BCDIN3D: variants seen among roughly 807,000 people sequenced by gnomAD.
BCDIN3D encodes RNA 5'-monophosphate methyltransferase.
BCDIN3D carries 15 observed loss-of-function variants against 21.2 expected under a neutral mutation model. The ratio of observed to expected loss-of-function variants is 0.71; its 90% confidence interval spans 0.47 to 1.09. The LOEUF (loss-of-function observed/expected upper bound fraction) is 1.09. BCDIN3D is among the 50% of genes least tolerant of loss of function. BCDIN3D has a pLI of 0.00. For missense variants in BCDIN3D, 331 were observed against 366.2 expected, an observed-to-expected ratio of 0.90 and a Z score of 0.79; for synonymous variants, 127 against 141.9, an observed-to-expected ratio of 0.90 and a Z score of 0.75.
chr12:49,839,340 AACTC>A, intron 1 of BCDIN3D: 1 of 270,200 alleles, frequency 3.7e-6, no homozygotes. Flanking sequence ...TATGCTGATA[AACTC>A]ACTCTTTTTC....
Position 49,838,690 on chromosome 12 carries a change from G to A in BCDIN3D, c.560C>T (p.Ser187Phe). The A allele has an allele frequency of 1.2e-6, 2 of 1,613,816 alleles. No individual in the cohort carries two copies. Among genetic ancestry groups the A allele is most frequent in the Non-Finnish European group, 1.7e-6 (2 of 1,179,732 alleles). Residue 187 changes from serine to phenylalanine, a missense_variant, in exon 2 of 2, where the codon TCC becomes TTC. Transcript: ENST00000333924. ...HGLWEFLAHL[S>F]SLCHYLLVEP... ...CACAAGGAGGTAGTGGCAGAGGGAGGAAAGATGGGCCAGGAACTCCCATAG... is the reference window on the plus strand; with the variant it reads ...CACAAGGAGGTAGTGGCAGAGGGAGAAAAGATGGGCCAGGAACTCCCATAG...
In BCDIN3D at chr12:49,838,701, C is replaced by T. The variant is rs1946529551; in HGVS notation, c.549G>A (p.Leu183=). ...NHGDHGLWEF[L]AHLSSLCHYL... Reference sequence around the variant, plus strand: ...AGTGGCAGAGGGAGGAAAGATGGGCCAGGAACTCCCATAGGCCATGGTCTC... The same window carrying T: ...AGTGGCAGAGGGAGGAAAGATGGGCTAGGAACTCCCATAGGCCATGGTCTC... The change falls in exon 2 of 2, where the codon CTG becomes CTA. Residue 183 remains leucine (L), a synonymous_variant. Transcript: ENST00000333924. 2 of 1,613,712 alleles carry T rather than the reference C, an allele frequency of 1.2e-6. No homozygotes were observed. The highest frequency in any genetic ancestry group is 1.7e-6 in the Non-Finnish European group (2 of 1,179,768).
At chr12:49,840,523 T>C (rs970961684) in intron 1 of BCDIN3D, 3 of 152,198 alleles carry the variant, frequency 2.0e-5, no homozygotes, top group Non-Finnish European at 1.5e-5. Context: ...TATTTATTTA[T>C]TTATTTATTT....
chr12:49,838,095 G>A lies in BCDIN3D; in HGVS notation c.*276C>T. The A allele has an allele frequency of 3.0e-6, 1 of 334,946 alleles. No homozygotes were observed. Among genetic ancestry groups the A allele is most frequent in the Non-Finnish European group, 5.5e-6 (1 of 182,852 alleles). 20.7% of individuals were successfully genotyped at this position (334,946 alleles called of 1,614,324 possible). A position where few individuals can be genotyped will look rare whatever the true frequency, so the allele number is the denominator to read the frequency against. ...TGATCTTTATAAATAATCCCCAAAA[G>A]CAGCCCTCTCCATAACCCATAACCA... On this transcript the variant is annotated 3_prime_UTR_variant, in exon 2 of 2. Coordinates refer to ENST00000333924, the MANE Select transcript of BCDIN3D (RefSeq NM_181708.3).
rs1423819769 is a variant in BCDIN3D, at chr12:49,836,500, TCC to T, written c.*1869_*1870del. The T allele has an allele frequency of 3.9e-5, 6 of 152,196 alleles. No individual in the cohort carries two copies. Among genetic ancestry groups the T allele is most frequent in the Non-Finnish European group, 8.8e-5 (6 of 68,042 alleles). The allele number at this position is 152,196 out of a possible 1,614,324, so 9.4% of individuals were successfully genotyped here. A position where few individuals can be genotyped will look rare whatever the true frequency, so the allele number is the denominator to read the frequency against. On this transcript the variant is annotated 3_prime_UTR_variant, in exon 2 of 2. Transcript: ENST00000333924. ...GCAGGGTTACAGGGTTTCAAAGTGTTCCTAAATTAAGATCTTGTGGGTAAACT... is the reference window on the plus strand; with the variant it reads ...GCAGGGTTACAGGGTTTCAAAGTGTTTAAATTAAGATCTTGTGGGTAAACT...
chr12:49,842,665 G>A, intron 1 of BCDIN3D, 189 bp downstream of exon 1: 1 of 596,242 alleles, frequency 1.7e-6, no homozygotes, highest in Non-Finnish European at 3.0e-6. Context: ...TCCTCTCCAA[G>A]AGAGATTCCT....
Position 49,838,574 on chromosome 12 carries a change from T to A in BCDIN3D, c.676A>T (p.Ile226Phe). 1 of 1,614,138 alleles carries A rather than the reference T, an allele frequency of 6.2e-7. No individual in the cohort carries two copies. The highest frequency in any genetic ancestry group is 8.5e-7 in the Non-Finnish European group (1 of 1,180,008). The change falls in exon 2 of 2, where the codon ATC (isoleucine) becomes TTC (phenylalanine). Residue 226 changes from isoleucine (I) to phenylalanine (F), a missense_variant. By Grantham distance (21) the Ile-to-Phe change is conservative (BLOSUM62 0). Coordinates refer to ENST00000333924, the MANE Select transcript of BCDIN3D (RefSeq NM_181708.3). Reference protein sequence around the residue: ...HDFDHFHSLAIRGDMPNQIVQ... With the variant: ...HDFDHFHSLAFRGDMPNQIVQ... ...ATCTGATTGGGCATGTCACCTCGGA[T>A]GGCAAGGGAGTGGAAGTGGTCAAAA...
At position 49,837,003 on chromosome 12, in the gene BCDIN3D, G is replaced by T. The variant is rs140757065; in HGVS notation, c.*1368C>A. 1 of 152,336 alleles carries T rather than the reference G, an allele frequency of 6.6e-6. No individual in the cohort carries two copies. The highest frequency in any genetic ancestry group is 1.5e-5 in the Non-Finnish European group (1 of 68,036). 9.4% of individuals were successfully genotyped at this position (152,336 alleles called of 1,614,324 possible). A position where few individuals can be genotyped will look rare whatever the true frequency, so the allele number is the denominator to read the frequency against. On this transcript the variant is annotated 3_prime_UTR_variant, in exon 2 of 2. Transcript: ENST00000333924. The stretch of plus-strand genomic sequence containing the variant: ...TATGGAATGAAACTTACATGTAATT[G>T]ATAGAATTTGCTGCTGGACTTTGAG...
rs1015898698 is a variant in BCDIN3D at position 49,836,449 on chromosome 12, G to A, written c.*1922C>T. ...CATGTATGTTTCTGTGCGCTGCCTT[G>A]GTGGAGTGAGAGGAGAGAGCACCCA... On this transcript the variant is annotated 3_prime_UTR_variant, in exon 2 of 2. Coordinates refer to ENST00000333924, the MANE Select transcript of BCDIN3D (RefSeq NM_181708.3). The A allele has an allele frequency of 2.0e-5, 3 of 152,174 alleles. No individual in the cohort carries two copies. The highest frequency in any genetic ancestry group is 4.4e-5 in the Non-Finnish European group (3 of 68,018). 9.4% of individuals were successfully genotyped at this position (152,174 alleles called of 1,614,324 possible).
intron 1 of BCDIN3D, chr12:49,842,553 C>G (rs1000393141): frequency 2.7e-6 from 1 of 372,668 alleles, no homozygotes; most frequent in Non-Finnish European, 4.9e-6. Flanking sequence ...TCTCCCCAGC[C>G]AAAGCGCCAG....
At position 49,838,128 on chromosome 12, in the gene BCDIN3D, T is replaced by C; in HGVS notation, c.*243A>G. 1 of 463,084 alleles carries C rather than the reference T, an allele frequency of 2.2e-6. No homozygotes were observed. Among genetic ancestry groups the C allele is most frequent in the Non-Finnish European group, 3.8e-6 (1 of 260,160 alleles). 28.7% of individuals were successfully genotyped at this position (463,084 alleles called of 1,614,324 possible). A position where few individuals can be genotyped will look rare whatever the true frequency, so the allele number is the denominator to read the frequency against. On this transcript the variant is annotated 3_prime_UTR_variant, in exon 2 of 2. Transcript: ENST00000333924. ...CTCCATAACCCATAACCAGGACCACTTTTCCTAGGCCATCTCAATCCAGAT... is the reference window on the plus strand; with the variant it reads ...CTCCATAACCCATAACCAGGACCACCTTTCCTAGGCCATCTCAATCCAGAT...
intron 1 of BCDIN3D, among the ~76,000 whole-genome samples, chr12:49,842,120 G>T (rs1016131452): frequency 2.0e-5 from 3 of 152,130 alleles, no homozygotes; most frequent in African/African-American, 7.2e-5. Flanking sequence ...TCGCTCTGTC[G>T]CCCAGGCTGG....
rs1946564469 is a variant in BCDIN3D at position 49,843,031 on chromosome 12, C to T, written c.57G>A (p.Glu19=). The T allele has an allele frequency of 6.2e-7, 1 of 1,614,224 alleles. No homozygotes were observed. Residue 19 remains glutamate (E), a synonymous_variant, in exon 1 of 2, where the codon GAG becomes GAA. Coordinates refer to ENST00000333924, the MANE Select transcript of BCDIN3D (RefSeq NM_181708.3). ...CGCCAGGTGCCAGAACTCGCGATTC[C>T]TCTTCCGCTGCGGTCTCCTTAACAC... ...GGSVKETAAE[E]ESRVLAPGAA...
At position 49,838,369 on chromosome 12, in the gene BCDIN3D, T is replaced by C. The variant is rs759492556; in HGVS notation, c.*2A>G. 1.9e-6 allele frequency: 3 copies of C among 1,599,254 alleles called. No homozygotes were observed. The highest frequency in any genetic ancestry group is 2.2e-5 in the South Asian group (2 of 90,642). On this transcript the variant is annotated 3_prime_UTR_variant, in exon 2 of 2. Transcript: ENST00000333924. ...CTTTCTTGGTCTTCTTGCCCTCCCA[T>C]CTCACTGCTTCTGGAAACTTAATCT...
At chr12:49,842,831 C>T in intron 1 of BCDIN3D, 23 bp downstream of exon 1, 1 of 1,571,782 alleles carries the variant, frequency 6.4e-7, no homozygotes, top group East Asian at 2.2e-5. Context: ...TCCGGATGCT[C>T]CAATCCCTCC....
chr12:49,839,960 TAGGA>T (rs1946540968), intron 1 of BCDIN3D: 1 of 152,220 alleles, frequency 6.6e-6, no homozygotes, highest in Non-Finnish European at 1.5e-5. Flanking sequence ...GCTGGGACTA[TAGGA>T]ATGAGCCACT....
At chr12:49,840,174 G>C (rs1946542183) in intron 1 of BCDIN3D, 1 of 152,140 alleles carries the variant, frequency 6.6e-6, no homozygotes, top group Non-Finnish European at 1.5e-5. Flanking sequence ...AGTGATAGTG[G>C]CATGGACAAA....
At chr12:49,840,862 A>T (rs1022088927) in intron 1 of BCDIN3D, 1 of 151,818 alleles carries the variant, frequency 6.6e-6, no homozygotes, top group African/African-American at 2.4e-5. Context: ...TCACTTCGTC[A>T]CCCAGGCTGG....
intron 1 of BCDIN3D, 189 bp from the exon 2 acceptor site, chr12:49,839,204 C>T: frequency 1.7e-6 from 1 of 598,438 alleles, no homozygotes; most frequent in Non-Finnish European, 2.9e-6. Flanking sequence ...CTCCAGGGGT[C>T]ACATGCTGTA....
Sources: gnomAD v4.1 joint callset for allele counts (sites outside exome capture counted in the v4.1 genomes callset) on GRCh38, gnomAD v4.1.1 for gene constraint, MANE v1.5 for transcripts, NCBI Gene and HGNC (gene_info 2026-07-23, HGNC 2026-07-21) for gene names.